The following MYO1E variants were observed in gnomAD, a reference collection of about 807,000 sequenced individuals.
The protein encoded by MYO1E is unconventional myosin-Ie.
A neutral mutation model predicts 151.1 loss-of-function variants in MYO1E; 68 were observed. That is an observed-to-expected ratio of 0.45 (90% CI 0.37 to 0.55). MYO1E has a LOEUF of 0.55. MYO1E is among the 20% of genes least tolerant of loss of function. The probability of loss-of-function intolerance (pLI) is 0.00; values close to 1 mark genes in which losing one functional copy is unlikely to be tolerated. For missense variants in MYO1E, 1,363 were observed against 1,389.3 expected, an observed-to-expected ratio of 0.98 and a Z score of 0.30; for synonymous variants, 601 against 501.7, an observed-to-expected ratio of 1.20 and a Z score of -2.64.
At chr15:59,372,078 C>A (rs1270689461) in intron 1 of MYO1E, among the ~76,000 whole-genome samples, 33 of 149,674 alleles carry the variant, frequency 2.2e-4, no homozygotes, top group African/African-American at 8.0e-4. Flanking sequence ...GCGGGCACGG[C>A]CGCGGGGAGG....
chr15:59,161,317 G>C (rs1267813034), intron 23 of MYO1E, 87 bp from the exon 24 acceptor site: 5 of 1,454,372 alleles, frequency 3.4e-6, no homozygotes, highest in Non-Finnish European at 3.8e-6. Context: ...TCTGCTGCTG[G>C]AAAAGCATAA....
intron 1 of MYO1E, among the ~76,000 whole-genome samples, chr15:59,361,974 T>A (rs1180424323): frequency 6.6e-6 from 1 of 152,108 alleles, no homozygotes; most frequent in Non-Finnish European, 1.5e-5. Context: ...GTAGCTGGGA[T>A]TACGGGCGTC....
Position 59,137,307 on chromosome 15 carries a change from G to A in MYO1E, c.*73C>T, listed in dbSNP as rs945071234. 1.5e-6 allele frequency: 2 copies of A among 1,318,622 alleles called. No homozygotes were observed. Among genetic ancestry groups the A allele is most frequent in the Non-Finnish European group, 2.2e-6 (2 of 911,852 alleles). The allele number at this position is 1,318,622 out of a possible 1,614,324, so 81.7% of individuals were successfully genotyped here. On this transcript the variant is annotated 3_prime_UTR_variant, in exon 28 of 28. Coordinates refer to ENST00000288235, the MANE Select transcript of MYO1E (RefSeq NM_004998.4). Reference sequence around the variant, plus strand: ...AATTGCTCATTGTGGATTGTAAGGGGAGCCCCTAAATATCCCCTCCCCTGG... The same window carrying A: ...AATTGCTCATTGTGGATTGTAAGGGAAGCCCCTAAATATCCCCTCCCCTGG...
At chr15:59,296,509 AG>A (rs1351358710) in intron 1 of MYO1E, among the ~76,000 whole-genome samples, 1 of 152,206 alleles carries the variant, frequency 6.6e-6, no homozygotes, top group Non-Finnish European at 1.5e-5. Flanking sequence ...ATGAAGGCCT[AG>A]GGAGAACAGC....
intron 10 of MYO1E, among the ~76,000 whole-genome samples, chr15:59,216,627 G>T (rs1336793684): frequency 1.5e-4 from 4 of 26,444 alleles, no homozygotes; most frequent in Non-Finnish European, 3.3e-4. Flanking sequence ...TCTATCTTTT[G>T]GATCGAAGGG....
intron 1 of MYO1E, among the ~76,000 whole-genome samples, chr15:59,366,487 G>C (rs531105856): frequency 6.6e-6 from 1 of 152,012 alleles, no homozygotes; most frequent in South Asian, 2.1e-4. Context: ...AGGCCTGAAC[G>C]ACCACACCCG....
At chr15:59,163,655 A>T (rs138971515) in intron 22 of MYO1E, among the ~76,000 whole-genome samples, 3 of 152,224 alleles carry the variant, frequency 2.0e-5, no homozygotes, top group Non-Finnish European at 4.4e-5. Flanking sequence ...AAAGTTATGA[A>T]TAGAATGCAG....
intron 3 of MYO1E, among the ~76,000 whole-genome samples, chr15:59,259,591 G>C (rs1418612984): frequency 6.6e-6 from 1 of 152,186 alleles, no homozygotes; most frequent in Non-Finnish European, 1.5e-5. Flanking sequence ...AAATGAGAAA[G>C]TAGAGGACTG....
rs2079638866 is a variant in MYO1E, at chr15:59,178,478, A to C, written c.1964T>G (p.Val655Gly). ...PSWQGEEKQG[V>G]LHLLQSVNMD... ...GTTGACCGACTGCAGCAGGTGCAGG[A>C]CGCCTTGCTTCTCCTCTCCCTGCCA... is the stretch of plus-strand genomic sequence containing the variant. The change falls in exon 19 of 28, where the codon GTC (valine) becomes GGC (glycine). Residue 655 changes from valine to glycine, a missense_variant. Transcript: ENST00000288235. 6.2e-7 allele frequency: 1 copy of C among 1,614,180 alleles called. No homozygotes were observed. The highest frequency in any genetic ancestry group is 1.6e-4 in the Middle Eastern group (1 of 6,062).
chr15:59,303,196 T>A (rs1324343039), intron 1 of MYO1E, among the ~76,000 whole-genome samples: 1 of 152,138 alleles, frequency 6.6e-6, no homozygotes, highest in Non-Finnish European at 1.5e-5. Context: ...ATAAAATCCA[T>A]CATCTAAAAT....
chr15:59,301,002 G>A (rs1332226374), intron 1 of MYO1E, among the ~76,000 whole-genome samples: 4 of 151,412 alleles, frequency 2.6e-5, no homozygotes, highest in Non-Finnish European at 5.9e-5. Context: ...GGAGTAGCTG[G>A]GATTACAGGC....
intron 4 of MYO1E, among the ~76,000 whole-genome samples, chr15:59,238,088 T>G (rs555631712): frequency 6.6e-6 from 1 of 152,304 alleles, no homozygotes; most frequent in South Asian, 2.1e-4. Flanking sequence ...TAAGCTACAG[T>G]AGCAAGTAGA....
At chr15:59,323,788 A>G (rs1023217155) in intron 1 of MYO1E, among the ~76,000 whole-genome samples, 1 of 152,088 alleles carries the variant, frequency 6.6e-6, no homozygotes, top group African/African-American at 2.4e-5. Flanking sequence ...AAGTTAAGGG[A>G]AAATAGCAGG....
At chr15:59,223,616 G>A (rs1253448007) in intron 8 of MYO1E, among the ~76,000 whole-genome samples, 1 of 152,170 alleles carries the variant, frequency 6.6e-6, no homozygotes, top group South Asian at 2.1e-4. Flanking sequence ...CTCGAAGGTC[G>A]CTGCTGACCT....
chr15:59,178,584 A>C (rs761482736), intron 18 of MYO1E, 47 bp from the exon 19 acceptor site: 1 of 1,603,552 alleles, frequency 6.2e-7, no homozygotes, highest in South Asian at 1.1e-5. Flanking sequence ...GCGGGACCGC[A>C]CTGGTTTTCT....
intron 26 of MYO1E, among the ~76,000 whole-genome samples, chr15:59,144,589 C>G (rs181011963): frequency 1.3e-5 from 2 of 152,080 alleles, no homozygotes; most frequent in Admixed American, 6.6e-5. Flanking sequence ...GCCACCGCAC[C>G]GGGTTCCAGG....
chr15:59,320,868 A>G (rs1264106774), intron 1 of MYO1E, among the ~76,000 whole-genome samples: 1 of 152,240 alleles, frequency 6.6e-6, no homozygotes, highest in Non-Finnish European at 1.5e-5. Flanking sequence ...TCTGTACAGC[A>G]GAAGAAACTA....
chr15:59,195,376 C>G, intron 17 of MYO1E, 85 bp downstream of exon 17: 1 of 1,214,466 alleles, frequency 8.2e-7, no homozygotes, highest in Non-Finnish European at 1.2e-6. Flanking sequence ...ACAACTGACA[C>G]TGCTCCTGCC....
rs1372086552 is a variant in MYO1E, at chr15:59,212,565, A to G, written c.1275+1663T>C. ...AATGTAATTCACTAAGGATCTCACA[A>G]TAAGTCATCCTGGGTTTAGAGTGAA... is the stretch of plus-strand genomic sequence containing the variant. On this transcript the variant is annotated intron_variant, in intron 12 of 27. Coordinates refer to ENST00000288235, the MANE Select transcript of MYO1E (RefSeq NM_004998.4). 2.6e-5 allele frequency: 4 copies of G among 152,194 alleles called. No homozygotes were observed. The East Asian group carries it at 5.8e-4, about 22-fold the overall frequency. 9.4% of individuals were successfully genotyped at this position (152,194 alleles called of 1,614,324 possible).
Sources: gnomAD v4.1 joint callset for allele counts (sites outside exome capture counted in the v4.1 genomes callset) on GRCh38, gnomAD v4.1.1 for gene constraint, MANE v1.5 for transcripts, NCBI Gene and HGNC (gene_info 2026-07-23, HGNC 2026-07-21) for gene names.